Variants in PDE1A observed in about 807,000 individuals in gnomAD.
PDE1A encodes the protein phosphodiesterase 1A.
In PDE1A, 35 loss-of-function variants were observed where a neutral mutation model predicts 61.7. The ratio of observed to expected loss-of-function variants is 0.57; its 90% CI spans 0.43 to 0.75. The LOEUF is 0.75. Ranked by LOEUF, PDE1A falls within the 30% of genes least tolerant of loss-of-function variation. PDE1A has a pLI of 0.00. For missense variants in PDE1A, 597 were observed against 630.6 expected (o/e 0.95, Z 0.57); for synonymous variants, 232 against 213.2 (o/e 1.09, Z -0.77).
chr2:182,245,770 C>T (rs1158166938), intron 2 of PDE1A, among the ~76,000 whole-genome samples: 1 of 152,156 alleles, frequency 6.6e-6, no homozygotes, highest in Non-Finnish European at 1.5e-5. Context: ...ATCTTGATTG[C>T]TCCAAGGTTT....
At chr2:182,679,191 ATTT>A in the PDE1A span, among the ~76,000 whole-genome samples, 12 of 138,200 alleles carry the variant, frequency 8.7e-5, no homozygotes, top group East Asian at 2.1e-4. Flanking sequence ...TATTATTATT[ATTT>A]TTTTTTTGAC....
chr2:182,676,669 A>C, the PDE1A span, among the ~76,000 whole-genome samples: 1 of 152,322 alleles, frequency 6.6e-6, no homozygotes, highest in East Asian at 1.9e-4. Flanking sequence ...TCATCAATAA[A>C]ATACTTTCCA....
intron 7 of PDE1A, among the ~76,000 whole-genome samples, chr2:182,207,430 T>G (rs1251286206): frequency 6.6e-6 from 1 of 152,210 alleles, no homozygotes; most frequent in Non-Finnish European, 1.5e-5. Flanking sequence ...AGAGATGATT[T>G]AGGGTATCCG....
chr2:182,386,857 C>T (rs970732039), intron 1 of PDE1A, among the ~76,000 whole-genome samples: 3 of 152,044 alleles, frequency 2.0e-5, no homozygotes, highest in South Asian at 2.1e-4. Flanking sequence ...CGCCTCTGCC[C>T]GGCCGCCCCT....
chr2:182,335,747 A>G (rs1390879985), intron 1 of PDE1A, among the ~76,000 whole-genome samples: 1 of 152,238 alleles, frequency 6.6e-6, no homozygotes, highest in Non-Finnish European at 1.5e-5. Context: ...CAATGGCGAC[A>G]AAAGCCAAAA....
chr2:182,657,117 C>A, the PDE1A span, among the ~76,000 whole-genome samples: 1 of 151,872 alleles, frequency 6.6e-6, no homozygotes, highest in Non-Finnish European at 1.5e-5. Flanking sequence ...CAGCTACTTG[C>A]GAGGCTGAGG....
At chr2:182,574,680 C>T in the PDE1A span, among the ~76,000 whole-genome samples, 1 of 151,976 alleles carries the variant, frequency 6.6e-6, no homozygotes, top group East Asian at 1.9e-4. Flanking sequence ...TCACAGTCTA[C>T]GTTTTTTTTG....
chr2:182,186,191 G>GAACTGGGACTGAGCA, intron 12 of PDE1A, 112 bp from the exon 13 acceptor site: 3 of 1,144,888 alleles, frequency 2.6e-6, no homozygotes, highest in Non-Finnish European at 3.7e-6. Context: ...TAGATGCTCA[G>GAACTGGGACTGAGCA]TCCCAGTTCT....
At chr2:182,545,317 C>G in the PDE1A span, among the ~76,000 whole-genome samples, 1 of 152,156 alleles carries the variant, frequency 6.6e-6, no homozygotes, top group Non-Finnish European at 1.5e-5. Context: ...GGTCCTAGAC[C>G]CCACCCCATG....
the PDE1A span, among the ~76,000 whole-genome samples, chr2:182,691,967 C>T: frequency 6.6e-6 from 1 of 152,148 alleles, no homozygotes; most frequent in Admixed American, 6.5e-5. Flanking sequence ...ATCAAAACCA[C>T]AATGAGATAT....
At chr2:182,567,628 C>A in the PDE1A span, among the ~76,000 whole-genome samples, 77 of 152,134 alleles carry the variant, frequency 5.1e-4, no homozygotes, top group African/African-American at 1.6e-3. Flanking sequence ...AACAACTAAT[C>A]ATAAATTTCA....
chr2:182,438,211 G>T (rs1684564988), intron 2 of PDE1A, among the ~76,000 whole-genome samples: 1 of 151,786 alleles, frequency 6.6e-6, no homozygotes, highest in South Asian at 2.1e-4. Context: ...CATAATATGA[G>T]CATTTCATCT....
the PDE1A span, among the ~76,000 whole-genome samples, chr2:182,644,261 C>CTGTGTGTG: frequency 7.6e-4 from 52 of 68,358 alleles, 1 homozygote; most frequent in South Asian, 3.5e-3. Flanking sequence ...AGTCTTAAGA[C>CTGTGTGTG]TCTGTGTGTG....
At chr2:182,347,987 T>C (rs1698620555) in intron 1 of PDE1A, among the ~76,000 whole-genome samples, 1 of 152,130 alleles carries the variant, frequency 6.6e-6, no homozygotes, top group South Asian at 2.1e-4. Flanking sequence ...GGATTTGTAA[T>C]GCTATCCACA....
At chr2:182,204,368 C>T (rs1686919969) in intron 8 of PDE1A, among the ~76,000 whole-genome samples, 1 of 152,168 alleles carries the variant, frequency 6.6e-6, no homozygotes, top group South Asian at 2.1e-4. Context: ...TCTTGGGCTA[C>T]TATTTCCTGC....
At chr2:182,217,912 TTACTGGG>T (rs1340678181) in intron 7 of PDE1A, among the ~76,000 whole-genome samples, 1 of 151,992 alleles carries the variant, frequency 6.6e-6, no homozygotes, top group Non-Finnish European at 1.5e-5. Flanking sequence ...AGCCATCCCA[TTACTGGG>T]TATATACCCA....
At chr2:182,601,949 A>C in the PDE1A span, among the ~76,000 whole-genome samples, 1 of 152,280 alleles carries the variant, frequency 6.6e-6, no homozygotes, top group African/African-American at 2.4e-5. Context: ...TTCCCACTCC[A>C]TTCCGTGGGA....
At chr2:182,224,949 A>T (rs186393197) in intron 6 of PDE1A, among the ~76,000 whole-genome samples, 168 of 151,934 alleles carry the variant, frequency 1.1e-3, no homozygotes, top group Non-Finnish European at 2.1e-3. Flanking sequence ...ATGCTATGAC[A>T]CTCACTCTGA....
chr2:182,266,391 C>T (rs1314317971), intron 1 of PDE1A, among the ~76,000 whole-genome samples: 1 of 152,106 alleles, frequency 6.6e-6, no homozygotes, highest in Non-Finnish European at 1.5e-5. Context: ...CTTAGTCAAA[C>T]TGTCCTTTAT....
Sources: allele counts gnomAD v4.1 joint callset (sites outside exome capture counted in the v4.1 genomes callset), GRCh38; gene constraint gnomAD v4.1.1; transcripts MANE v1.5; gene names NCBI Gene and HGNC (gene_info 2026-07-23, HGNC 2026-07-21).